The following GALNT13 variants were observed in gnomAD, a reference collection of about 807,000 sequenced individuals.
The protein encoded by GALNT13 is UDP-GalNAc:polypeptide N-acetylgalactosaminyltransferase 13.
GALNT13 carries 28 observed loss-of-function variants against 64.2 expected under a neutral mutation model. That is an observed-to-expected ratio of 0.44 (90% CI 0.32 to 0.60). The LOEUF (loss-of-function observed/expected upper bound fraction) is 0.60. GALNT13 is among the 20% of genes least tolerant of loss of function. GALNT13 has a pLI of 0.05. For synonymous variants in GALNT13, 214 were observed against 224.6 expected (o/e 0.95, Z 0.42); for missense variants, 577 against 669.8 (o/e 0.86, Z 1.53).
chr2:153,453,672 T>C, the GALNT13 span, among the ~76,000 whole-genome samples: 1 of 152,180 alleles, frequency 6.6e-6, no homozygotes, highest in African/African-American at 2.4e-5. Flanking sequence ...TTGGAGGGAA[T>C]GTAAATTAGT....
intron 4 of GALNT13, among the ~76,000 whole-genome samples, chr2:154,148,167 T>C (rs1298485955): frequency 6.6e-6 from 1 of 152,002 alleles, no homozygotes; most frequent in East Asian, 1.9e-4. Context: ...TGAGTGAGAA[T>C]ATGCAGTGTT....
At chr2:153,899,623 T>C (rs980165679) in intron 1 of GALNT13, among the ~76,000 whole-genome samples, 1 of 152,084 alleles carries the variant, frequency 6.6e-6, no homozygotes, top group African/African-American at 2.4e-5. Flanking sequence ...TTTAACATAC[T>C]AGAGGAAGAT....
the GALNT13 span, among the ~76,000 whole-genome samples, chr2:153,657,804 A>C: frequency 6.6e-6 from 1 of 152,144 alleles, no homozygotes; most frequent in Non-Finnish European, 1.5e-5. Context: ...AGATTTCACT[A>C]TAATATAGCA....
intron 3 of GALNT13, among the ~76,000 whole-genome samples, chr2:153,979,301 T>C (rs1006909797): frequency 6.6e-6 from 1 of 152,138 alleles, no homozygotes; most frequent in Non-Finnish European, 1.5e-5. Context: ...ATTTAAATAA[T>C]ATGCTGGGTT....
At chr2:153,831,698 G>A in the GALNT13 span, among the ~76,000 whole-genome samples, 1 of 152,074 alleles carries the variant, frequency 6.6e-6, no homozygotes, top group Non-Finnish European at 1.5e-5. Flanking sequence ...GCGTCCGTTG[G>A]TGCTATCTCT....
At chr2:153,820,181 A>G in the GALNT13 span, among the ~76,000 whole-genome samples, 579 of 152,342 alleles carry the variant, frequency 3.8e-3, 5 homozygotes, top group African/African-American at 0.013. Flanking sequence ...AAAAACAAAC[A>G]TTCAAGAAAA....
the GALNT13 span, among the ~76,000 whole-genome samples, chr2:153,558,263 G>A: frequency 6.6e-6 from 1 of 152,206 alleles, no homozygotes; most frequent in Non-Finnish European, 1.5e-5. Flanking sequence ...TACCTAACAA[G>A]CATCTGCACT....
chr2:153,764,432 A>G, the GALNT13 span, among the ~76,000 whole-genome samples: 2 of 152,194 alleles, frequency 1.3e-5, no homozygotes, highest in Non-Finnish European at 2.9e-5. Context: ...ACTACTCAGG[A>G]GGCTGAGGCA....
the GALNT13 span, among the ~76,000 whole-genome samples, chr2:153,184,099 C>T: frequency 6.6e-6 from 1 of 152,102 alleles, no homozygotes; most frequent in Non-Finnish European, 1.5e-5. Context: ...TCTTCCTGTC[C>T]ATGAGCGTAG....
chr2:153,271,171 T>C, the GALNT13 span, among the ~76,000 whole-genome samples: 1 of 152,156 alleles, frequency 6.6e-6, no homozygotes, highest in Non-Finnish European at 1.5e-5. Flanking sequence ...TCATACTGAA[T>C]GGGCAAAAGC....
At chr2:153,773,105 C>T in the GALNT13 span, among the ~76,000 whole-genome samples, 3 of 152,226 alleles carry the variant, frequency 2.0e-5, no homozygotes, top group Non-Finnish European at 4.4e-5. Flanking sequence ...CCAATCAGAT[C>T]TCACTGGGTC....
At chr2:153,753,297 A>T in the GALNT13 span, among the ~76,000 whole-genome samples, 1 of 152,084 alleles carries the variant, frequency 6.6e-6, no homozygotes, top group African/African-American at 2.4e-5. Context: ...TGGTCTTGAT[A>T]CTTATAGATG....
At chr2:153,783,581 G>A in the GALNT13 span, among the ~76,000 whole-genome samples, 1 of 151,746 alleles carries the variant, frequency 6.6e-6, no homozygotes, top group Admixed American at 6.6e-5. Flanking sequence ...TGTTGTCCAG[G>A]GCCAAGCTTA....
At chr2:154,185,849 C>G (rs1466980799) in intron 4 of GALNT13, among the ~76,000 whole-genome samples, 1 of 152,010 alleles carries the variant, frequency 6.6e-6, no homozygotes, top group Non-Finnish European at 1.5e-5. Flanking sequence ...ACTTTCTATA[C>G]TCTGCCGTAT....
the GALNT13 span, among the ~76,000 whole-genome samples, chr2:153,186,240 G>C: frequency 2.0e-5 from 3 of 151,864 alleles, no homozygotes; most frequent in Non-Finnish European, 4.4e-5. Context: ...GTTTATCTTT[G>C]TTGTTTAAAG....
intron 3 of GALNT13, among the ~76,000 whole-genome samples, chr2:153,967,163 A>G (rs1693429595): frequency 6.6e-6 from 1 of 152,098 alleles, no homozygotes; most frequent in Non-Finnish European, 1.5e-5. Context: ...TGAACTTCCT[A>G]AGACAGGTAT....
chr2:154,264,607 C>T (rs1690884028), intron 8 of GALNT13, among the ~76,000 whole-genome samples: 1 of 151,796 alleles, frequency 6.6e-6, no homozygotes, highest in Non-Finnish European at 1.5e-5. Context: ...ACTGCACTCC[C>T]GTCTGGACAA....
chr2:154,284,520 TACAC>T (rs372990123), intron 8 of GALNT13, among the ~76,000 whole-genome samples: 1,481 of 145,818 alleles, frequency 0.01, 10 homozygotes, highest in African/African-American at 0.017. Flanking sequence ...TACATATAGC[TACAC>T]ACACACACAC....
the GALNT13 span, among the ~76,000 whole-genome samples, chr2:153,224,871 C>T: frequency 2.0e-5 from 3 of 152,252 alleles, no homozygotes; most frequent in East Asian, 3.9e-4. Context: ...AAAAAAGGCA[C>T]CATGCCAAGA....
Sources: allele counts gnomAD v4.1 joint callset (sites outside exome capture counted in the v4.1 genomes callset), GRCh38; gene constraint gnomAD v4.1.1; transcripts MANE v1.5; gene names NCBI Gene and HGNC (gene_info 2026-07-23, HGNC 2026-07-21).